Variants in SBK2 observed in about 807,000 individuals in gnomAD.
The protein encoded by SBK2 is SH3 domain binding kinase family member 2.
SBK2 carries 18 observed loss-of-function variants against 15.9 expected under a neutral mutation model. The observed-to-expected ratio is 1.13, with a 90% CI of 0.78 to 1.68. The LOEUF (loss-of-function observed/expected upper bound fraction) is 1.68, where lower values mean the gene tolerates loss of function less well. SBK2 is among the 40% of genes most tolerant of loss of function. SBK2 has a pLI of 0.00. For synonymous variants in SBK2, 284 were observed against 246.8 expected (o/e 1.15, Z -1.41); for missense variants, 581 against 510.9 (o/e 1.14, Z -1.32).
chr19:55,529,620 C>T lies in SBK2; in HGVS notation c.*113G>A, dbSNP rs1988189906. The T allele has an allele frequency of 2.0e-5, 28 of 1,407,502 alleles. No individual in the cohort carries two copies. The highest frequency in any genetic ancestry group is 2.5e-5 in the Non-Finnish European group (27 of 1,067,470). 87.2% of individuals were successfully genotyped at this position (1,407,502 alleles called of 1,614,324 possible). A position where few individuals can be genotyped will look rare whatever the true frequency, so the allele number is the denominator to read the frequency against. ...CAGAGAGGAGAGAGGAGGAGGACGC[C>T]GAGGGGAATCCCAAGCCCCATGGAT... On this transcript the variant is annotated 3_prime_UTR_variant, in exon 4 of 4. Transcript: ENST00000413299.
intron 2 of SBK2, among the ~76,000 whole-genome samples, chr19:55,535,810 G>T (rs1988382236): frequency 6.6e-6 from 1 of 152,168 alleles, no homozygotes; most frequent in African/African-American, 2.4e-5. Context: ...CTTGAACCTG[G>T]GAGGTGGAAG....
chr19:55,534,716 A>AAAAG (rs1021616881), intron 2 of SBK2, among the ~76,000 whole-genome samples: 2 of 144,774 alleles, frequency 1.4e-5, no homozygotes, highest in African/African-American at 5.1e-5. Context: ...AAAAAAAAAA[A>AAAAG]AAAAGAAAAA....
chr19:55,529,659 G>T lies in SBK2; in HGVS notation c.*74C>A. ...AGCCCCATGGATGAAAACACACCGA[G>T]GAGACACCAAAAGCCGTTGGCCTTG... On this transcript the variant is annotated 3_prime_UTR_variant, in exon 4 of 4. Coordinates refer to ENST00000413299, the MANE Select transcript of SBK2 (RefSeq NM_001370096.2). The T allele has an allele frequency of 6.5e-7, 1 of 1,535,322 alleles. No individual in the cohort carries two copies. The highest frequency in any genetic ancestry group is 8.7e-7 in the Non-Finnish European group (1 of 1,148,228).
Position 55,528,668 on chromosome 19 carries a change from C to T in SBK2, c.*1065G>A, listed in dbSNP as rs1308454935. ...GGCTGGGGCGAGAGAAGGCAAAACACATCACAGAGAGGGTGGTGCCAGGTG... is the reference window on the plus strand; with the variant it reads ...GGCTGGGGCGAGAGAAGGCAAAACATATCACAGAGAGGGTGGTGCCAGGTG... On this transcript the variant is annotated 3_prime_UTR_variant, in exon 4 of 4. Transcript: ENST00000413299. Among the ~76,000 whole-genome samples, 1 of 152,170 alleles carries T rather than the reference C, an allele frequency of 6.6e-6. No individual in the cohort carries two copies. Among genetic ancestry groups the T allele is most frequent in the African/African-American group, 2.4e-5 (1 of 41,440 alleles).
chr19:55,531,610 G>A (rs1461347199), intron 2 of SBK2, among the ~76,000 whole-genome samples: 1 of 152,348 alleles, frequency 6.6e-6, no homozygotes, highest in African/African-American at 2.4e-5. Flanking sequence ...TTCAGAGACC[G>A]AGGTGGGAGG....
chr19:55,531,976 T>A (rs1013424215), intron 2 of SBK2, among the ~76,000 whole-genome samples: 2 of 141,602 alleles, frequency 1.4e-5, no homozygotes, highest in African/African-American at 5.3e-5. Context: ...GAAAAAAAAA[T>A]TAAAAAAATA....
At chr19:55,532,601 C>T (rs1277245513) in intron 2 of SBK2, among the ~76,000 whole-genome samples, 1 of 128,374 alleles carries the variant, frequency 7.8e-6, no homozygotes, top group Non-Finnish European at 1.6e-5. Context: ...TACACCCGCC[C>T]TTTTTTTTTT....
chr19:55,530,258 G>A lies in SBK2; in HGVS notation c.522C>T (p.Ile174=). 6.6e-7 allele frequency: 1 copy of A among 1,506,366 alleles called. No individual in the cohort carries two copies. The highest frequency in any genetic ancestry group is 8.9e-7 in the Non-Finnish European group (1 of 1,127,862). The allele number at this position is 1,506,366 out of a possible 1,614,324, so 93.3% of individuals were successfully genotyped here. A position where few individuals can be genotyped will look rare whatever the true frequency, so the allele number is the denominator to read the frequency against. The change falls in exon 4 of 4, where the codon ATC becomes ATT. Residue 174 remains isoleucine, a synonymous_variant. Transcript: ENST00000413299. ...AAQLASALEY[I]HARGLVYRDL... ...CCCGGTACACCAGGCCGCGGGCGTGGATGTACTCCAGGGCGGAGGCCAGCT... is the reference window on the plus strand; with the variant it reads ...CCCGGTACACCAGGCCGCGGGCGTGAATGTACTCCAGGGCGGAGGCCAGCT...
chr19:55,535,386 G>A (rs1599944702), intron 2 of SBK2, among the ~76,000 whole-genome samples: 4 of 152,258 alleles, frequency 2.6e-5, no homozygotes, highest in African/African-American at 7.2e-5. Context: ...ATCATCCCAC[G>A]GTGACCACTA....
In SBK2 at chr19:55,529,709, C is replaced by G. The variant is rs758715510; in HGVS notation, c.*24G>C. 47 of 1,593,402 alleles carry G rather than the reference C, an allele frequency of 2.9e-5. No homozygotes were observed. Among genetic ancestry groups the G allele is most frequent in the Non-Finnish European group, 2.9e-5 (34 of 1,177,110 alleles). ...GGGGGCCTCGGGTGGGGCGGCTTCCCTTTCTGCATCCCCCGGGGCCTCCTC... is the reference window on the plus strand; with the variant it reads ...GGGGGCCTCGGGTGGGGCGGCTTCCGTTTCTGCATCCCCCGGGGCCTCCTC... On this transcript the variant is annotated 3_prime_UTR_variant, in exon 4 of 4. Transcript: ENST00000413299.
chr19:55,534,586 A>G (rs1311221348), intron 2 of SBK2, among the ~76,000 whole-genome samples: 1 of 151,162 alleles, frequency 6.6e-6, no homozygotes, highest in Non-Finnish European at 1.5e-5. Context: ...ATGCGCCTGT[A>G]GTCTCAGCTA....
At chr19:55,534,005 A>G (rs1988337258) in intron 2 of SBK2, among the ~76,000 whole-genome samples, 1 of 152,130 alleles carries the variant, frequency 6.6e-6, no homozygotes, top group Non-Finnish European at 1.5e-5. Context: ...GTTACTGCTC[A>G]TGCCTCCGGC....
chr19:55,535,412 G>T (rs1988373058), intron 2 of SBK2, among the ~76,000 whole-genome samples: 1 of 152,202 alleles, frequency 6.6e-6, no homozygotes. Flanking sequence ...GCCACAGGAG[G>T]CTCCTGAGCT....
At position 55,531,212 on chromosome 19, in the gene SBK2, C is replaced by T. The variant is rs371134778; in HGVS notation, c.387G>A (p.Ser129=). 2.2e-5 allele frequency: 36 copies of T among 1,613,100 alleles called. No homozygotes were observed. Among genetic ancestry groups the T allele is most frequent in the Middle Eastern group, 1.6e-4 (1 of 6,062 alleles). The change falls in exon 3 of 4, where the codon TCG becomes TCA. Residue 129 remains serine, a synonymous_variant. Coordinates refer to ENST00000413299, the MANE Select transcript of SBK2 (RefSeq NM_001370096.2). ...CCGTCAGGAAGCTGTAGGAGTGTGC[C>T]GACTCGATGCCAATGCCGTAGGCCG... The part of the protein sequence containing the change: ...IVTAYGIGIE[S]AHSYSFLTEP...
chr19:55,535,149 G>A (rs1017363680), intron 2 of SBK2, among the ~76,000 whole-genome samples: 2 of 152,196 alleles, frequency 1.3e-5, no homozygotes, highest in Non-Finnish European at 2.9e-5. Flanking sequence ...TTGAAGGCAG[G>A]GACTGGCTCT....
Position 55,530,069 on chromosome 19 carries a change from GC to G in SBK2, c.710del (p.Gly237AlafsTer82). The G allele has an allele frequency of 2.8e-6, 4 of 1,450,098 alleles. No individual in the cohort carries two copies. The highest frequency in any genetic ancestry group is 3.6e-6 in the Non-Finnish European group (4 of 1,107,172). 89.8% of individuals were successfully genotyped at this position (1,450,098 alleles called of 1,614,324 possible). Reference sequence around the variant, plus strand: ...CGTCCAGGGCGGGCTGAATGGGCAGGCCCTCGGGGAGCGGCGGGGGCGCGCA... The same window carrying G: ...CGTCCAGGGCGGGCTGAATGGGCAGGCCTCGGGGAGCGGCGGGGGCGCGCA... ...ELCAPPPLPEGLPIQPALDAW... is the reference protein window; with the variant it reads ...ELCAPPPLPEXLPIQPALDAW... On this transcript the variant is annotated frameshift_variant, in exon 4 of 4. Transcript: ENST00000413299. LOFTEE classifies it low-confidence loss of function (END_TRUNC).
rs925750137 is a variant in SBK2, at chr19:55,529,159, C to T, written c.*574G>A. On this transcript the variant is annotated 3_prime_UTR_variant, in exon 4 of 4. Coordinates refer to ENST00000413299, the MANE Select transcript of SBK2 (RefSeq NM_001370096.2). The stretch of plus-strand genomic sequence containing the variant: ...CCTGTAGTCCCAGCTACTCAGGAGG[C>T]TGAGGCAGGAGGATTGTTTGAGGCC... Among the ~76,000 whole-genome samples the T allele has an allele frequency of 6.6e-6, 1 of 152,108 alleles. No individual in the cohort carries two copies. Among genetic ancestry groups the T allele is most frequent in the Non-Finnish European group, 1.5e-5 (1 of 68,018 alleles).
rs757309439 is a variant in SBK2 at position 55,531,258 on chromosome 19, C to T, written c.341G>A (p.Gly114Asp). 8.1e-6 allele frequency: 13 copies of T among 1,613,468 alleles called. No homozygotes were observed. Among genetic ancestry groups the T allele is most frequent in the Non-Finnish European group, 1.1e-5 (13 of 1,179,896 alleles). ...LYEFCVGLSL[G>D]AHSAIVTAYG... ...GGCCGTCACGATGGCTGAGTGCGCG[C>T]CCAGCGAGAGCCCCACACAGAACTC... is the stretch of plus-strand genomic sequence containing the variant. The change falls in exon 3 of 4, where the codon GGC (glycine) becomes GAC (aspartate). Residue 114 changes from glycine to aspartate, a missense_variant. By Grantham distance (94) the Gly-to-Asp change is moderately conservative. Transcript: ENST00000413299.
chr19:55,532,431 T>A (rs1988292560), intron 2 of SBK2, among the ~76,000 whole-genome samples: 1 of 149,774 alleles, frequency 6.7e-6, no homozygotes, highest in South Asian at 2.1e-4. Context: ...GCCTCCCGAG[T>A]AGCTGGGATT....
Sources: gnomAD v4.1 joint callset for allele counts (sites outside exome capture counted in the v4.1 genomes callset) on GRCh38, gnomAD v4.1.1 for gene constraint, MANE v1.5 for transcripts, NCBI Gene and HGNC (gene_info 2026-07-23, HGNC 2026-07-21) for gene names.